SLC26A5: variants seen among roughly 807,000 people sequenced by gnomAD.
SLC26A5 encodes the protein solute carrier family 26 member 5.
In SLC26A5, 51 loss-of-function variants were observed where a neutral mutation model predicts 81.0. The observed-to-expected ratio is 0.63, with a 90% CI of 0.50 to 0.80. SLC26A5 has a LOEUF of 0.80. SLC26A5 is among the 30% of genes least tolerant of loss of function. SLC26A5 has a pLI of 0.00. For synonymous variants in SLC26A5, 325 were observed against 332.8 expected (o/e 0.98, Z 0.25); for missense variants, 771 against 905.8 (o/e 0.85, Z 1.91).
intron 14 of SLC26A5, among the ~76,000 whole-genome samples, chr7:103,382,235 G>A (rs935443994): frequency 6.6e-6 from 1 of 152,078 alleles, no homozygotes; most frequent in Admixed American, 6.5e-5. Flanking sequence ...CATAGTAGGG[G>A]AGTAGTCAAT....
intron 2 of SLC26A5, among the ~76,000 whole-genome samples, chr7:103,439,828 G>A (rs1287832071): frequency 2.0e-5 from 3 of 152,182 alleles, no homozygotes; most frequent in Admixed American, 6.5e-5. Flanking sequence ...AGCCACCGCA[G>A]TTGGCCTCCT....
intron 19 of SLC26A5, chr7:103,355,048 TA>T (rs767387126): frequency 7.6e-6 from 6 of 790,194 alleles, no homozygotes; most frequent in East Asian, 2.7e-5. Flanking sequence ...ATTACAGATT[TA>T]AAAAAAATCA....
chr7:103,397,673 C>T (rs1396340670), intron 9 of SLC26A5, among the ~76,000 whole-genome samples: 1 of 147,678 alleles, frequency 6.8e-6, no homozygotes, highest in East Asian at 2.0e-4. Context: ...GCAGAGAAGG[C>T]GCCACTGCAC....
At position 103,367,329 on chromosome 7, in the gene SLC26A5, C is replaced by G; in HGVS notation, c.2041+9479G>C. On this transcript the variant is annotated intron_variant, in intron 19 of 19. Transcript: ENST00000339444. This position sits in a 1 kb window ranked among gnomAD's most constrained non-coding sequence, Gnocchi z 6.1. Reference sequence around the variant, plus strand: ...CTTGTGCCTGAGGACATGATTTGAGCTGAGATTTTTGGTACTTTCAGGTCA... The same window carrying G: ...CTTGTGCCTGAGGACATGATTTGAGGTGAGATTTTTGGTACTTTCAGGTCA... The G allele has an allele frequency of 6.1e-6, 8 of 1,315,210 alleles. No individual in the cohort carries two copies. The highest frequency in any genetic ancestry group is 7.6e-6 in the Non-Finnish European group (7 of 921,236). 81.5% of individuals were successfully genotyped at this position (1,315,210 alleles called of 1,614,324 possible).
At chr7:103,434,524 T>C (rs966551864) in intron 2 of SLC26A5, among the ~76,000 whole-genome samples, 2 of 152,152 alleles carry the variant, frequency 1.3e-5, no homozygotes, top group African/African-American at 4.8e-5. Flanking sequence ...TTACCTTTTA[T>C]TTTCTTTGTT....
intron 2 of SLC26A5, among the ~76,000 whole-genome samples, chr7:103,427,139 T>C (rs548712631): frequency 4.7e-4 from 72 of 151,838 alleles, no homozygotes; most frequent in African/African-American, 1.6e-3. Flanking sequence ...AGTGGCGTGA[T>C]CTTGGCTCAC....
In SLC26A5 at chr7:103,413,105, G is replaced by A; in HGVS notation, c.300C>T (p.Ala100=). 1 of 1,611,800 alleles carries A rather than the reference G, an allele frequency of 6.2e-7. No homozygotes were observed. The highest frequency in any genetic ancestry group is 1.1e-5 in the South Asian group (1 of 91,012). ...TGVLQLPQGL[A]FAMLAAVPPI... ...GAGGCACAGCTGCCAGCATTGCAAAGGCTAAGCCTGTGGGATTAAAAACCA... is the reference window on the plus strand; with the variant it reads ...GAGGCACAGCTGCCAGCATTGCAAAAGCTAAGCCTGTGGGATTAAAAACCA... Residue 100 remains alanine (A), a synonymous_variant, in exon 5 of 20, where the codon GCC becomes GCT. Coordinates refer to ENST00000306312, the MANE Select transcript of SLC26A5 (RefSeq NM_198999.3).
At chr7:103,413,867 T>C (rs1004344341) in intron 4 of SLC26A5, among the ~76,000 whole-genome samples, 2 of 152,090 alleles carry the variant, frequency 1.3e-5, no homozygotes, top group Non-Finnish European at 2.9e-5. Context: ...AGGTTTTCCA[T>C]ACATTCCCTG....
chr7:103,410,552 A>ATT lies in SLC26A5; in HGVS notation c.571-5_571-4dup. 1 of 1,490,426 alleles carries ATT rather than the reference A, an allele frequency of 6.7e-7. No individual in the cohort carries two copies. The highest frequency in any genetic ancestry group is 1.8e-5 in the Admixed American group (1 of 54,786). The allele number at this position is 1,490,426 out of a possible 1,614,324, so 92.3% of individuals were successfully genotyped here. A position where few individuals can be genotyped will look rare whatever the true frequency, so the allele number is the denominator to read the frequency against. The stretch of plus-strand genomic sequence containing the variant: ...AACCTACAGACACCTAGGCAAAACT[A>ATT]TTTTTTTTTAATGACAAAGAAACAA... On this transcript the variant is annotated splice_region_variant and splice_polypyrimidine_tract_variant and intron_variant, in intron 6 of 19. Coordinates refer to ENST00000306312, the MANE Select transcript of SLC26A5 (RefSeq NM_198999.3).
At chr7:103,425,062 G>C (rs543025000) in intron 2 of SLC26A5, among the ~76,000 whole-genome samples, 1 of 152,290 alleles carries the variant, frequency 6.6e-6, no homozygotes, top group African/African-American at 2.4e-5. Context: ...TTAGTCTTAA[G>C]AGTCCTTCGG....
intron 6 of SLC26A5, 114 bp downstream of exon 6, chr7:103,411,306 G>T: frequency 8.1e-7 from 1 of 1,230,196 alleles, no homozygotes; most frequent in East Asian, 2.4e-5. Flanking sequence ...CCAGAGCTCT[G>T]GGGTTTTTCT....
chr7:103,374,379 T>A lies in SLC26A5; in HGVS notation c.*20A>T. 6 of 1,611,908 alleles carry A rather than the reference T, an allele frequency of 3.7e-6. No homozygotes were observed. The highest frequency in any genetic ancestry group is 5.1e-6 in the Non-Finnish European group (6 of 1,179,856). The stretch of plus-strand genomic sequence containing the variant: ...ACTTCATGAGAGGCTTATAACCCCA[T>A]CCTAGGGTGAGGTCCTCATCTATGC... On this transcript the variant is annotated 3_prime_UTR_variant, in exon 20 of 20. Coordinates refer to ENST00000306312, the MANE Select transcript of SLC26A5 (RefSeq NM_198999.3).
intron 6 of SLC26A5, among the ~76,000 whole-genome samples, 182 bp from the exon 7 acceptor site, chr7:103,410,731 A>T (rs1160843065): frequency 2.0e-5 from 3 of 151,958 alleles, no homozygotes; most frequent in African/African-American, 7.3e-5. Flanking sequence ...CCCGGGTTCA[A>T]GCGATTCTCC....
chr7:103,425,365 A>C (rs187475380), intron 2 of SLC26A5, among the ~76,000 whole-genome samples: 1 of 152,218 alleles, frequency 6.6e-6, no homozygotes, highest in Admixed American at 6.5e-5. Flanking sequence ...CACCTGACCA[A>C]CTAGAGCACA....
chr7:103,383,002 G>A (rs952780874), intron 14 of SLC26A5, among the ~76,000 whole-genome samples: 1 of 152,184 alleles, frequency 6.6e-6, no homozygotes, highest in African/African-American at 2.4e-5. Flanking sequence ...ACAAGTGTTA[G>A]CTGTTTTGCT....
rs1405654129 is a variant in SLC26A5, at chr7:103,397,316, T to A, written c.971+616A>T. Reference sequence around the variant, plus strand: ...CAGCACTTTGGAAGGCCAAGGCGGGTGGATCACGAGGTCAGGAAATTGAGA... The same window carrying A: ...CAGCACTTTGGAAGGCCAAGGCGGGAGGATCACGAGGTCAGGAAATTGAGA... On this transcript the variant is annotated intron_variant, in intron 9 of 19. Transcript: ENST00000306312. Among the ~76,000 whole-genome samples the A allele has an allele frequency of 2.7e-5, 4 of 148,132 alleles. No individual in the cohort carries two copies. The East Asian group carries it at 8.1e-4, about 30-fold the overall frequency.
intron 14 of SLC26A5, among the ~76,000 whole-genome samples, chr7:103,381,331 C>A (rs111163459): frequency 0.07 from 10,647 of 151,468 alleles, 457 homozygotes; most frequent in Admixed American, 0.13. Flanking sequence ...ACCACACACA[C>A]ATATAAACAC....
chr7:103,391,010 C>T (rs1822600742), intron 11 of SLC26A5, among the ~76,000 whole-genome samples: 1 of 152,064 alleles, frequency 6.6e-6, no homozygotes, highest in Non-Finnish European at 1.5e-5. Context: ...GGACTACAGG[C>T]ATCCGCCACC....
intron 14 of SLC26A5, among the ~76,000 whole-genome samples, chr7:103,385,272 C>T (rs1822096957): frequency 6.6e-6 from 1 of 152,100 alleles, no homozygotes; most frequent in South Asian, 2.1e-4. Flanking sequence ...ACACCATTCT[C>T]CTGCCTCAGC....
Sources: gnomAD v4.1 joint callset for allele counts (sites outside exome capture counted in the v4.1 genomes callset) on GRCh38, gnomAD v4.1.1 for gene constraint, Gnocchi (gnomAD v3.1) non-coding constraint, MANE v1.5 for transcripts, NCBI Gene and HGNC (gene_info 2026-07-23, HGNC 2026-07-21) for gene names.